Variants in SPECC1 observed in about 807,000 individuals in gnomAD.
SPECC1 encodes the protein cytospin-B.
Under a neutral mutation model 104.1 loss-of-function variants are expected in SPECC1, and 62 were observed. The observed-to-expected ratio is 0.60, with a 90% CI of 0.49 to 0.74. SPECC1 has a LOEUF of 0.74. SPECC1 is among the 30% of genes least tolerant of loss of function. The pLI, the probability that SPECC1 is intolerant of heterozygous loss-of-function variation, is 0.00. For missense variants in SPECC1, 1,306 were observed against 1,310.5 expected, an observed-to-expected ratio of 1.00 and a Z score of 0.05; for synonymous variants, 513 against 501.6, an observed-to-expected ratio of 1.02 and a Z score of -0.30.
chr17:20,310,840 T>C (rs1308815980), intron 14 of SPECC1, among the ~76,000 whole-genome samples: 7 of 152,226 alleles, frequency 4.6e-5, no homozygotes, highest in Non-Finnish European at 8.8e-5. Flanking sequence ...TTGTGCTTGA[T>C]TGTGTGACAA....
intron 3 of SPECC1, among the ~76,000 whole-genome samples, chr17:20,129,661 A>G (rs2049505675): frequency 6.6e-6 from 1 of 152,200 alleles, no homozygotes; most frequent in African/African-American, 2.4e-5. Flanking sequence ...ATGAAGTCCA[A>G]CTTGCTAATT....
intron 2 of SPECC1, among the ~76,000 whole-genome samples, chr17:20,103,401 C>T (rs1327854413): frequency 2.0e-5 from 3 of 152,198 alleles, no homozygotes; most frequent in Non-Finnish European, 4.4e-5. Flanking sequence ...GTGGTTAACT[C>T]TGATCGGCAG....
At chr17:20,060,952 T>C (rs1162890305) in intron 1 of SPECC1, among the ~76,000 whole-genome samples, 1 of 152,226 alleles carries the variant, frequency 6.6e-6, no homozygotes, top group Non-Finnish European at 1.5e-5. Flanking sequence ...ACTGTGTTAG[T>C]AGTGCAAGTA....
intron 3 of SPECC1, among the ~76,000 whole-genome samples, chr17:20,197,042 A>G (rs761153135): frequency 2.6e-5 from 4 of 152,238 alleles, no homozygotes; most frequent in Non-Finnish European, 5.9e-5. Context: ...CATAATATGT[A>G]TATAGCTACC....
chr17:20,179,454 A>G (rs1016826441), intron 3 of SPECC1, among the ~76,000 whole-genome samples: 2 of 152,214 alleles, frequency 1.3e-5, no homozygotes, highest in African/African-American at 4.8e-5. Flanking sequence ...GGGGCCTCCT[A>G]GCTGCAAGGG....
intron 9 of SPECC1, among the ~76,000 whole-genome samples, chr17:20,250,022 A>G (rs192471607): frequency 2.6e-5 from 4 of 152,306 alleles, no homozygotes. Flanking sequence ...CTGGAAATGA[A>G]AGAGAAAGCA....
intron 4 of SPECC1, among the ~76,000 whole-genome samples, chr17:20,220,357 A>G (rs892723630): frequency 2.6e-5 from 4 of 152,166 alleles, no homozygotes; most frequent in South Asian, 2.1e-4. Context: ...TGGTGTCAAT[A>G]TTTTATAGTT....
rs181436198 is a variant in SPECC1 at position 20,094,429 on chromosome 17, T to A, written c.-21-2202T>A. Among the ~76,000 whole-genome samples, 5 of 152,332 alleles carry A rather than the reference T, an allele frequency of 3.3e-5. No homozygotes were observed. In the East Asian group the frequency reaches 9.6e-4, roughly 29 times the overall value. On this transcript the variant is annotated intron_variant, in intron 1 of 14. Coordinates refer to ENST00000395527, the MANE Select transcript of SPECC1 (RefSeq NM_001243439.2). ...CTTTTAATTTTGACTGAGGTGGCTT[T>A]TCCTTCTTTTCTTTAACCAAGGACT...
chr17:20,085,713 A>G (rs1054244615), intron 1 of SPECC1, among the ~76,000 whole-genome samples: 3 of 152,246 alleles, frequency 2.0e-5, no homozygotes, highest in African/African-American at 7.2e-5. Context: ...GAGAACAAAA[A>G]AGAAATCAGC....
intron 1 of SPECC1, among the ~76,000 whole-genome samples, chr17:20,067,988 C>CT (rs944424850): frequency 7.7e-4 from 114 of 148,786 alleles, no homozygotes; most frequent in South Asian, 3.9e-3. Context: ...TGTGGCTTCT[C>CT]TTTTTTTTTT....
At chr17:20,051,108 CT>C (rs2045745568) in intron 1 of SPECC1, among the ~76,000 whole-genome samples, 3 of 129,692 alleles carry the variant, frequency 2.3e-5, no homozygotes, top group East Asian at 2.2e-4. Context: ...TTCTTTCTTT[CT>C]TTCTTTCTTT....
chr17:20,266,816 T>C (rs1360636276), intron 12 of SPECC1, among the ~76,000 whole-genome samples: 1 of 152,186 alleles, frequency 6.6e-6, no homozygotes, highest in Non-Finnish European at 1.5e-5. Flanking sequence ...GTCAGGGAGA[T>C]GACATTTGAG....
chr17:20,096,871 A>C, intron 2 of SPECC1, 73 bp downstream of exon 2: 1 of 1,536,090 alleles, frequency 6.5e-7, no homozygotes, highest in African/African-American at 1.4e-5. Context: ...AGAGGGCAGT[A>C]AGCAAACCAG....
chr17:20,282,228 A>G (rs2040797196), intron 12 of SPECC1, among the ~76,000 whole-genome samples: 1 of 152,206 alleles, frequency 6.6e-6, no homozygotes, highest in African/African-American at 2.4e-5. Context: ...TGAGATGTGT[A>G]TCTTCTGTGA....
chr17:20,097,260 G>A (rs1387937519), intron 2 of SPECC1, among the ~76,000 whole-genome samples: 1 of 152,180 alleles, frequency 6.6e-6, no homozygotes, highest in Non-Finnish European at 1.5e-5. Flanking sequence ...TGGTCTCTAA[G>A]GTTGGGTGGG....
rs995239635 is a variant in SPECC1 at position 20,232,379 on chromosome 17, G to T, written c.2325G>T (p.Arg775Ser). ...KELGDVQGHG[R>S]VVTSRAAPPP... ...TGGGGGATGTGCAGGGCCACGGCAG[G>T]GTGGTCACCAGCAGAGCCGCCCCTC... Residue 775 changes from arginine (R) to serine (S), a missense_variant, in exon 7 of 15, where the codon AGG becomes AGT. By Grantham distance (110) the Arg-to-Ser change is moderately radical. This residue lies in a region of SPECC1 where 1,177 missense variants were observed against 1,139.9 expected (regional missense o/e 1.03). Coordinates refer to ENST00000395527, the MANE Select transcript of SPECC1 (RefSeq NM_001243439.2). 7 of 1,612,682 alleles carry T rather than the reference G, an allele frequency of 4.3e-6. No homozygotes were observed. Among genetic ancestry groups the T allele is most frequent in the Non-Finnish European group, 5.9e-6 (7 of 1,179,344 alleles).
At chr17:20,041,239 G>A (rs924584297) in intron 1 of SPECC1, among the ~76,000 whole-genome samples, 1 of 152,016 alleles carries the variant, frequency 6.6e-6, no homozygotes, top group East Asian at 1.9e-4. Flanking sequence ...ATTAAAATAT[G>A]TATCTATTTT....
chr17:20,275,182 A>G (rs1048450868), intron 12 of SPECC1, among the ~76,000 whole-genome samples: 1 of 152,196 alleles, frequency 6.6e-6, no homozygotes, highest in East Asian at 1.9e-4. Context: ...GAACATTTGT[A>G]CATATCTGGG....
At chr17:20,239,592 T>A (rs1472451582) in intron 7 of SPECC1, among the ~76,000 whole-genome samples, 7 of 152,194 alleles carry the variant, frequency 4.6e-5, no homozygotes, top group Non-Finnish European at 7.4e-5. Flanking sequence ...ATTTTTTTTT[T>A]ATGAGTAATG....
Sources: allele counts gnomAD v4.1 joint callset (sites outside exome capture counted in the v4.1 genomes callset), GRCh38; gene constraint gnomAD v4.1.1; regional missense constraint gnomAD v4.1.1; transcripts MANE v1.5; gene names NCBI Gene and HGNC (gene_info 2026-07-23, HGNC 2026-07-21).